CCR3: variants seen among roughly 807,000 people sequenced by gnomAD.
CCR3 encodes C-C motif chemokine receptor 3.
For missense variants in CCR3, 419 were observed against 437.5 expected (o/e 0.96, Z 0.38); for synonymous variants, 203 against 179.2 (o/e 1.13, Z -1.06).
chr3:46,254,490 A>T (rs548996492), intron 1 of CCR3, among the ~76,000 whole-genome samples: 6 of 65,848 alleles, frequency 9.1e-5, no homozygotes, highest in South Asian at 7.1e-4. Flanking sequence ...GTTCTTTTTT[A>T]AAAAAAAATC....
At chr3:46,258,708 A>G (rs1700472177) in intron 1 of CCR3, among the ~76,000 whole-genome samples, 1 of 152,142 alleles carries the variant, frequency 6.6e-6, no homozygotes, top group Admixed American at 6.6e-5. Context: ...TTGGTTTTCA[A>G]TCCTCACGGA....
upstream of CCR3, among the ~76,000 whole-genome samples, chr3:46,240,960 G>A (rs1317767852): frequency 6.6e-6 from 1 of 152,214 alleles, no homozygotes; most frequent in Non-Finnish European, 1.5e-5. Context: ...TGAATATGCT[G>A]TAGATTAAAT....
intron 1 of CCR3, chr3:46,263,528 A>C (rs1274729519): frequency 6.5e-6 from 1 of 153,482 alleles, no homozygotes; most frequent in Non-Finnish European, 1.5e-5. Flanking sequence ...ACCTGGACAG[A>C]CCCATGAAAA....
intron 2 of CCR3, among the ~76,000 whole-genome samples, chr3:46,219,369 C>T (rs41537946): frequency 0.16 from 25,036 of 151,968 alleles, 2,985 homozygotes; most frequent in African/African-American, 0.33. Context: ...CCCATGCTCA[C>T]GGACAGGTAG....
intron 1 of CCR3, among the ~76,000 whole-genome samples, chr3:46,256,891 A>T (rs1026703949): frequency 2.0e-5 from 3 of 152,132 alleles, no homozygotes; most frequent in African/African-American, 7.2e-5. Flanking sequence ...TGTATCTTTC[A>T]CAAACACAGA....
chr3:46,239,166 C>A (rs1700052822), upstream of CCR3, among the ~76,000 whole-genome samples: 1 of 152,062 alleles, frequency 6.6e-6, no homozygotes, highest in African/African-American at 2.4e-5. Flanking sequence ...TTGCAAAATG[C>A]CAGAAAAAAA....
upstream of CCR3, among the ~76,000 whole-genome samples, chr3:46,237,914 T>C (rs892358107): frequency 2.0e-5 from 3 of 152,234 alleles, no homozygotes; most frequent in Non-Finnish European, 4.4e-5. Flanking sequence ...GATTTTGATC[T>C]TCTTACCACC....
intron 2 of CCR3, among the ~76,000 whole-genome samples, chr3:46,224,692 A>T (rs1174576911): frequency 6.8e-6 from 1 of 147,184 alleles, no homozygotes; most frequent in Non-Finnish European, 1.5e-5. Flanking sequence ...AGCCGAGATC[A>T]TGCCACTGCA....
intron 1 of CCR3, among the ~76,000 whole-genome samples, chr3:46,256,349 G>A (rs986594338): frequency 3.3e-5 from 5 of 152,050 alleles, no homozygotes; most frequent in Non-Finnish European, 2.9e-5. Context: ...AGTTTGGGCT[G>A]TAATCCTGAA....
upstream of CCR3, among the ~76,000 whole-genome samples, chr3:46,241,281 A>T (rs1700081076): frequency 6.6e-6 from 1 of 152,156 alleles, no homozygotes; most frequent in Non-Finnish European, 1.5e-5. Flanking sequence ...CAAACGTTTG[A>T]TAAACACTTT....
rs117707978 is a variant in CCR3, at chr3:46,214,719, C to T, written c.-68+3812C>T. Reference sequence around the variant, plus strand: ...TGGGGAGACCAGTAGATAGTGCCTCCACCTTTCCTCCCTGGGCAAGCAGAG... The same window carrying T: ...TGGGGAGACCAGTAGATAGTGCCTCTACCTTTCCTCCCTGGGCAAGCAGAG... On this transcript the variant is annotated intron_variant, in intron 2 of 3. Transcript: ENST00000357422. Among the ~76,000 whole-genome samples the T allele has an allele frequency of 5.9e-4, 90 of 152,264 alleles. No homozygotes were observed. The East Asian group carries it at 0.015, about 26-fold the overall frequency.
intron 1 of CCR3, among the ~76,000 whole-genome samples, chr3:46,255,577 G>C (rs892445433): frequency 6.6e-6 from 1 of 152,114 alleles, no homozygotes; most frequent in Admixed American, 6.6e-5. Flanking sequence ...TTTGTCTATG[G>C]TGAGAGATGA....
intron 2 of CCR3, among the ~76,000 whole-genome samples, chr3:46,232,782 C>T (rs918484777): frequency 4.1e-4 from 62 of 152,336 alleles, no homozygotes; most frequent in Non-Finnish European, 5.3e-4. Context: ...ACAGCTTCCA[C>T]GTTCTCACTC....
chr3:46,221,517 G>C (rs573231261), intron 2 of CCR3, among the ~76,000 whole-genome samples: 4 of 152,194 alleles, frequency 2.6e-5, no homozygotes, highest in Non-Finnish European at 5.9e-5. Flanking sequence ...CCTTCACAAA[G>C]AGAGGTCCTG....
intron 1 of CCR3, among the ~76,000 whole-genome samples, chr3:46,260,785 A>G (rs1038971096): frequency 2.0e-5 from 3 of 152,242 alleles, no homozygotes. Context: ...CTGCTCTTTT[A>G]GGCAGATCAC....
In CCR3 at chr3:46,266,217, T is replaced by C. The variant is rs770844970; in HGVS notation, c.1059T>C (p.Ile353=). 1.5e-5 allele frequency: 24 copies of C among 1,609,486 alleles called. No individual in the cohort carries two copies. In the Admixed American group the frequency reaches 4.0e-4, roughly 27 times the overall value. Residue 353 remains isoleucine, a synonymous_variant, in exon 2 of 2, where the codon ATT becomes ATC. Transcript: ENST00000395940. ...CCACAGCAGAGCCGGAACTCTCTAT[T>C]GTGTTTTAGGTCAGATGCAGAAAAT... is the stretch of plus-strand genomic sequence containing the variant. The part of the protein sequence containing the change: ...SPSTAEPELS[I]VF
chr3:46,258,715 C>T (rs960207741), intron 1 of CCR3, among the ~76,000 whole-genome samples: 8 of 152,054 alleles, frequency 5.3e-5, no homozygotes, highest in Admixed American at 2.6e-4. Context: ...TCAATCCTCA[C>T]GGAGATCAAC....
At chr3:46,242,966 T>TATATATATATACAC (rs1379871255) in intron 1 of CCR3, among the ~76,000 whole-genome samples, 3 of 75,606 alleles carry the variant, frequency 4.0e-5, no homozygotes, top group African/African-American at 6.4e-5. Flanking sequence ...TATATGTGTA[T>TATATATATATACAC]ATATATATAT....
chr3:46,236,863 G>A (rs1700030154), intron 2 of CCR3, among the ~76,000 whole-genome samples: 1 of 152,232 alleles, frequency 6.6e-6, no homozygotes, highest in Admixed American at 6.5e-5. Context: ...GGGAGTGGGT[G>A]TGAGGCCAGG....
Sources: allele counts gnomAD v4.1 joint callset (sites outside exome capture counted in the v4.1 genomes callset), GRCh38; gene constraint gnomAD v4.1.1; transcripts MANE v1.5; gene names NCBI Gene and HGNC (gene_info 2026-07-23, HGNC 2026-07-21).